LRRTM4: variants seen among roughly 807,000 people sequenced by gnomAD.
LRRTM4 encodes the protein leucine-rich repeat transmembrane neuronal protein 4.
In LRRTM4, 25 loss-of-function variants were observed where a neutral mutation model predicts 47.6. The observed-to-expected ratio is 0.53, with a 90% confidence interval of 0.38 to 0.73. The LOEUF (loss-of-function observed/expected upper bound fraction) is 0.73, where lower values mean the gene tolerates loss of function less well. LRRTM4 is among the 30% of genes least tolerant of loss of function. The probability of loss-of-function intolerance (pLI) is 0.00; values close to 1 mark genes in which losing one functional copy is unlikely to be tolerated. For synonymous variants in LRRTM4, 311 were observed against 269.5 expected (o/e 1.15, Z -1.51); for missense variants, 638 against 713.4 (o/e 0.89, Z 1.20).
At chr2:77,301,345 C>T (rs1677129286) in intron 3 of LRRTM4, among the ~76,000 whole-genome samples, 1 of 151,726 alleles carries the variant, frequency 6.6e-6, no homozygotes, top group Non-Finnish European at 1.5e-5. Context: ...CAAATTATTG[C>T]TAAAAATAAT....
At chr2:77,331,684 G>T (rs183877891) in intron 3 of LRRTM4, among the ~76,000 whole-genome samples, 14 of 152,148 alleles carry the variant, frequency 9.2e-5, no homozygotes, top group African/African-American at 3.4e-4. Flanking sequence ...TCCTGATGTG[G>T]TAAGAACAGA....
chr2:77,189,364 A>G (rs1171108032), intron 3 of LRRTM4, among the ~76,000 whole-genome samples: 3 of 152,132 alleles, frequency 2.0e-5, no homozygotes, highest in African/African-American at 7.2e-5. Context: ...TTTCATTTAG[A>G]TGTTCTTAAA....
At chr2:77,214,609 A>G (rs1251587386) in intron 3 of LRRTM4, among the ~76,000 whole-genome samples, 1 of 152,148 alleles carries the variant, frequency 6.6e-6, no homozygotes, top group Admixed American at 6.5e-5. Context: ...ATAGTTTTTC[A>G]TGTTACATAT....
intron 3 of LRRTM4, among the ~76,000 whole-genome samples, chr2:77,476,132 A>G (rs1264012179): frequency 6.6e-6 from 1 of 152,052 alleles, no homozygotes; most frequent in African/African-American, 2.4e-5. Context: ...TCAGGGAGAA[A>G]ATGTGCTCAG....
At chr2:76,831,826 A>G (rs1671360467) in intron 3 of LRRTM4, among the ~76,000 whole-genome samples, 1 of 152,020 alleles carries the variant, frequency 6.6e-6, no homozygotes, top group Non-Finnish European at 1.5e-5. Context: ...AAAAAATTGT[A>G]TGTTTATATT....
intron 3 of LRRTM4, among the ~76,000 whole-genome samples, chr2:77,090,634 TCCCCC>T (rs1572951075): frequency 1.3e-5 from 2 of 151,876 alleles, no homozygotes; most frequent in East Asian, 3.9e-4. Context: ...CAGAACCTCC[TCCCCC>T]AGGAGCTTGC....
intron 3 of LRRTM4, among the ~76,000 whole-genome samples, chr2:77,429,077 G>C (rs565883303): frequency 7.2e-5 from 11 of 152,136 alleles, no homozygotes; most frequent in Admixed American, 2.0e-4. Context: ...GGAGTACACA[G>C]TAAATTATCC....
chr2:76,867,065 AG>A (rs1452345389), intron 3 of LRRTM4, among the ~76,000 whole-genome samples: 1 of 149,262 alleles, frequency 6.7e-6, no homozygotes, highest in Non-Finnish European at 1.5e-5. Context: ...AACGTCTGTT[AG>A]GGGGTGGTGG....
chr2:77,009,193 A>G (rs1326314450), intron 3 of LRRTM4: 1 of 152,154 alleles, frequency 6.6e-6, no homozygotes, highest in Non-Finnish European at 1.5e-5. Context: ...TAGACAACTC[A>G]TGGACCAACA....
chr2:76,815,494 C>CAAT (rs1670873359), intron 3 of LRRTM4, among the ~76,000 whole-genome samples: 1 of 151,780 alleles, frequency 6.6e-6, no homozygotes, highest in South Asian at 2.1e-4. Context: ...TATCTATCAA[C>CAAT]TGGAATGACT....
intron 3 of LRRTM4, among the ~76,000 whole-genome samples, chr2:77,481,150 T>C (rs1677687238): frequency 6.6e-6 from 1 of 152,174 alleles, no homozygotes; most frequent in Non-Finnish European, 1.5e-5. Flanking sequence ...TAACTAACCT[T>C]ATAGAATACC....
At chr2:77,018,199 TTTTG>T (rs1038484524) in intron 3 of LRRTM4, among the ~76,000 whole-genome samples, 8 of 151,446 alleles carry the variant, frequency 5.3e-5, no homozygotes, top group Non-Finnish European at 1.2e-4. Flanking sequence ...GAAAAATTTT[TTTTG>T]TTTTTTTTTT....
rs1558667282 is a variant in LRRTM4 at position 76,807,411 on chromosome 2, T to TATATATATACACACAC, written c.1552-58496_1552-58495insGTGTGTGTATATATAT. On this transcript the variant is annotated intron_variant, in intron 3 of 3. Transcript: ENST00000409884. Reference sequence around the variant, plus strand: ...ATATATATATATATGTATATACGTATATATATATATATACATATATATATA... The same window carrying TATATATATACACACAC: ...ATATATATATATATGTATATACGTATATATATATACACACACATATATATATATACATATATATATA... Among the ~76,000 whole-genome samples, 194 of 86,006 alleles carry TATATATATACACACAC rather than the reference T, an allele frequency of 2.3e-3. 6 individuals carry two copies. Among genetic ancestry groups the TATATATATACACACAC allele is most frequent in the South Asian group, 0.012 (27 of 2,178 alleles). The allele number at this position is 86,006 out of a possible 152,430, so 56.4% of individuals were successfully genotyped here.
intron 3 of LRRTM4, among the ~76,000 whole-genome samples, chr2:77,268,034 T>C (rs1256504801): frequency 1.3e-5 from 2 of 152,118 alleles, no homozygotes; most frequent in Non-Finnish European, 2.9e-5. Flanking sequence ...CTTTCATAAA[T>C]TTATACTTAT....
At chr2:77,199,137 T>C (rs539390897) in intron 3 of LRRTM4, among the ~76,000 whole-genome samples, 1 of 152,306 alleles carries the variant, frequency 6.6e-6, no homozygotes, top group South Asian at 2.1e-4. Context: ...GTAATCTCTA[T>C]AGGGACATTA....
chr2:77,221,879 C>G (rs1007507234), intron 3 of LRRTM4, among the ~76,000 whole-genome samples: 2 of 152,150 alleles, frequency 1.3e-5, no homozygotes, highest in Non-Finnish European at 1.5e-5. Flanking sequence ...ACAGAACTCT[C>G]CACCCCAAAT....
chr2:77,207,539 T>G (rs1046493119), intron 3 of LRRTM4, among the ~76,000 whole-genome samples: 1 of 151,840 alleles, frequency 6.6e-6, no homozygotes, highest in Non-Finnish European at 1.5e-5. Context: ...TGTGACTTAT[T>G]GTTCATTGCA....
intron 3 of LRRTM4, among the ~76,000 whole-genome samples, chr2:77,459,949 T>C (rs1458971748): frequency 6.7e-6 from 1 of 150,014 alleles, no homozygotes; most frequent in Non-Finnish European, 1.5e-5. Context: ...ATACTTCTTA[T>C]TACAATGCCA....
chr2:77,047,552 C>G (rs1208873331), intron 3 of LRRTM4, among the ~76,000 whole-genome samples: 2 of 151,944 alleles, frequency 1.3e-5, no homozygotes, highest in African/African-American at 4.8e-5. Context: ...ATATAAACAT[C>G]ACCCCAATCT....
Sources: allele counts gnomAD v4.1 joint callset (sites outside exome capture counted in the v4.1 genomes callset), GRCh38; gene constraint gnomAD v4.1.1; transcripts MANE v1.5; gene names NCBI Gene and HGNC (gene_info 2026-07-23, HGNC 2026-07-21).